RPS20: variants seen among roughly 807,000 people sequenced by gnomAD.
RPS20 encodes the protein ribosomal protein S20.
Under a neutral mutation model 15.3 loss-of-function variants are expected in RPS20, and 3 were observed. That is an observed-to-expected ratio of 0.20 (90% confidence interval 0.09 to 0.51). RPS20 has a LOEUF of 0.51. Ranked by LOEUF, RPS20 falls within the 20% of genes least tolerant of loss-of-function variation. RPS20 has a pLI of 0.96. For missense variants in RPS20, 67 were observed against 145.9 expected (o/e 0.46, Z 2.79); for synonymous variants, 62 against 47.8 (o/e 1.30, Z -1.23).
downstream of RPS20, among the ~76,000 whole-genome samples, chr8:56,072,133 A>G (rs1233381823): frequency 6.6e-6 from 1 of 152,202 alleles, no homozygotes. Context: ...CCCAGCTACT[A>G]GGCAGTTTGA....
chr8:56,070,885 A>G (rs1167684479), downstream of RPS20, among the ~76,000 whole-genome samples: 1 of 152,108 alleles, frequency 6.6e-6, no homozygotes, highest in Non-Finnish European at 1.5e-5. Flanking sequence ...CCTATTTTCA[A>G]CCTTCCTTTA....
At chr8:56,067,699 G>C (rs568761392) in exon 6 of RPS20, 1 of 149,986 alleles carries the variant, frequency 6.7e-6, no homozygotes, top group South Asian at 2.1e-4. Context: ...AAAAAAAAAA[G>C]GGAAAAATCC....
downstream of RPS20, chr8:56,069,889 T>C (rs1809705784): frequency 1.2e-6 from 1 of 806,422 alleles, no homozygotes; most frequent in East Asian, 2.7e-5. Context: ...TGTATAGACA[T>C]TCTTTTTCTT....
chr8:56,072,706 G>C (rs911133630), downstream of RPS20: 1 of 196,450 alleles, frequency 5.1e-6, no homozygotes, highest in Non-Finnish European at 8.9e-6. Context: ...GTTAAACTTG[G>C]TTAATTTAAA....
chr8:56,068,807 C>CTTT (rs61576194), downstream of RPS20, among the ~76,000 whole-genome samples: 631 of 27,688 alleles, frequency 0.023, 273 homozygotes, highest in East Asian at 0.044. Context: ...GTGAAAATAT[C>CTTT]TTTTTTTTTT....
At chr8:56,070,461 T>C (rs976941397), downstream of RPS20, among the ~76,000 whole-genome samples, 1 of 152,114 alleles carries the variant, frequency 6.6e-6, no homozygotes, top group Non-Finnish European at 1.5e-5. Flanking sequence ...CCAGTCTGGG[T>C]ATAGTGGCTC....
At position 56,074,440 on chromosome 8, in the gene RPS20, T is replaced by C. The variant is rs1809875226; in HGVS notation, c.-57A>G. On this transcript the variant is annotated 5_prime_UTR_variant, in exon 1 of 4. Transcript: ENST00000009589. The stretch of plus-strand genomic sequence containing the variant: ...GTTCCTCGGCGAGAGCGAACAGCGG[T>C]GAGTCAGGAGCAGGAGCGTGCGGAC... 1.9e-6 allele frequency: 3 copies of C among 1,541,110 alleles called. No individual in the cohort carries two copies. Among genetic ancestry groups the C allele is most frequent in the African/African-American group, 1.4e-5 (1 of 73,230 alleles).
chr8:56,068,805 ATCTTTTTTT>A (rs1809678184), downstream of RPS20, among the ~76,000 whole-genome samples: 5 of 41,528 alleles, frequency 1.2e-4, no homozygotes, highest in Non-Finnish European at 5.1e-5. Flanking sequence ...TGGTGAAAAT[ATCTTTTTTT>A]TTTTTTTTTT....
At chr8:56,072,851 A>G, downstream of RPS20, 2 of 1,215,136 alleles carry the variant, frequency 1.6e-6, no homozygotes, top group Non-Finnish European at 1.0e-6. Context: ...CCAAAGTTAT[A>G]AACTGCCAGT....
Position 56,074,388 on chromosome 8 carries a change from G to T in RPS20, c.-5C>A. 6.4e-7 allele frequency: 1 copy of T among 1,560,348 alleles called. No homozygotes were observed. The highest frequency in any genetic ancestry group is 1.8e-5 in the Admixed American group (1 of 55,104). On this transcript the variant is annotated 5_prime_UTR_variant, in exon 1 of 4. Transcript: ENST00000009589. ...CGCCGACTGCCGCCTCACCATGGCT[G>T]TTGCGCGCGGGCTTCCTGACCGACT...
chr8:56,070,875 C>G (rs903390231), downstream of RPS20, among the ~76,000 whole-genome samples: 26 of 152,140 alleles, frequency 1.7e-4, no homozygotes, highest in African/African-American at 6.0e-4. Flanking sequence ...GCAGAGATAT[C>G]CTATTTTCAA....
chr8:56,072,277 C>T (rs1173201629), downstream of RPS20, among the ~76,000 whole-genome samples: 2 of 151,872 alleles, frequency 1.3e-5, no homozygotes, highest in Non-Finnish European at 2.9e-5. Context: ...ATGGGCCAGG[C>T]ATGGTGGCTC....
chr8:56,073,815 C>A (rs778661460), intron 2 of RPS20, 47 bp from the exon 3 acceptor site: 27 of 1,543,726 alleles, frequency 1.7e-5, no homozygotes, highest in Non-Finnish European at 2.4e-5. Context: ...CAATTAAAAT[C>A]GGCTTAAGGC....
chr8:56,069,239 T>C (rs939009907), downstream of RPS20, among the ~76,000 whole-genome samples: 2 of 148,878 alleles, frequency 1.3e-5, no homozygotes, highest in African/African-American at 5.2e-5. Context: ...TCTGACTTAC[T>C]TTTTCCTTTA....
At chr8:56,073,312 T>A in intron 3 of RPS20, 40 bp from the exon 4 acceptor site, 1 of 1,272,470 alleles carries the variant, frequency 7.9e-7, no homozygotes, top group Non-Finnish European at 1.1e-6. Context: ...TTTATCGTTT[T>A]ATACTTATCC....
In RPS20 at chr8:56,074,466, C is replaced by A; in HGVS notation, c.-83G>T. 2.7e-6 allele frequency: 4 copies of A among 1,464,446 alleles called. No individual in the cohort carries two copies. Among genetic ancestry groups the A allele is most frequent in the Non-Finnish European group, 3.7e-6 (4 of 1,087,932 alleles). The allele number at this position is 1,464,446 out of a possible 1,614,324, so 90.7% of individuals were successfully genotyped here. Reference sequence around the variant, plus strand: ...GAGTCAGGAGCAGGAGCGTGCGGACCAAAAATCCTCAGCCCTTACGACCGC... The same window carrying A: ...GAGTCAGGAGCAGGAGCGTGCGGACAAAAAATCCTCAGCCCTTACGACCGC... On this transcript the variant is annotated 5_prime_UTR_variant, in exon 1 of 4. Transcript: ENST00000009589.
chr8:56,073,247 GT>G lies in RPS20; in HGVS notation c.202del (p.Thr68LeufsTer15). On this transcript the variant is annotated frameshift_variant, in exon 4 of 4. Coordinates refer to ENST00000009589, the MANE Select transcript of RPS20 (RefSeq NM_001023.4). LOFTEE classifies it high-confidence loss of function. ...CGTCTTAGAACCTTCACCACAAGGA[GT>G]TTTTCTTGTAGTGATTCTCAAAGTC... ...TKTLRITTRK[T>X]PCGEGSKTWD... 1 of 1,607,926 alleles carries G rather than the reference GT, an allele frequency of 6.2e-7. No homozygotes were observed.
At chr8:56,072,548 T>TC (rs148676649), downstream of RPS20, among the ~76,000 whole-genome samples, 4,662 of 95,826 alleles carry the variant, frequency 0.049, 86 homozygotes, top group South Asian at 0.064. Context: ...CAAAACGCCG[T>TC]CCCCCCCCCC....
At chr8:56,069,855 A>T (rs1461579270), downstream of RPS20, 1 of 1,291,556 alleles carries the variant, frequency 7.7e-7, no homozygotes, top group Non-Finnish European at 1.1e-6. Flanking sequence ...AAGTATTCAG[A>T]AAAAAAATTG....
Sources: allele counts gnomAD v4.1 joint callset (sites outside exome capture counted in the v4.1 genomes callset), GRCh38; gene constraint gnomAD v4.1.1; transcripts MANE v1.5; gene names NCBI Gene and HGNC (gene_info 2026-07-23, HGNC 2026-07-21).